Variants in PIP5K1A observed in about 807,000 individuals in gnomAD.
PIP5K1A encodes phosphatidylinositol 4-phosphate 5-kinase type-1 alpha.
Under a neutral mutation model 72.9 loss-of-function variants are expected in PIP5K1A, and 46 were observed. The ratio of observed to expected loss-of-function variants is 0.63; its 90% confidence interval spans 0.50 to 0.81. PIP5K1A has a LOEUF of 0.81. Ranked by LOEUF, PIP5K1A falls within the 30% of genes least tolerant of loss-of-function variation. PIP5K1A has a pLI of 0.00. For synonymous variants in PIP5K1A, 228 were observed against 255.1 expected (o/e 0.89, Z 1.01); for missense variants, 458 against 706.1 (o/e 0.65, Z 3.98).
rs1223956132 is a variant in PIP5K1A at position 151,248,884 on chromosome 1, C to G, written c.*1019C>G. 6.6e-6 allele frequency: 1 copy of G among 152,584 alleles called. No homozygotes were observed. The highest frequency in any genetic ancestry group is 1.5e-5 in the Non-Finnish European group (1 of 68,038). 9.5% of individuals were successfully genotyped at this position (152,584 alleles called of 1,614,324 possible). A position where few individuals can be genotyped will look rare whatever the true frequency, so the allele number is the denominator to read the frequency against. On this transcript the variant is annotated 3_prime_UTR_variant, in exon 16 of 16. Coordinates refer to ENST00000368888, the MANE Select transcript of PIP5K1A (RefSeq NM_001135638.2). ...GTGGAGCTAAGGTAAAGAGGGGACA[C>G]TTCTGTCTGTTTAACAGACAGTCCA...
In PIP5K1A at chr1:151,242,276, G is replaced by A. The variant is rs371763490; in HGVS notation, c.1510+7G>A. ...AAGGCAGAAGTGGAGCCAGGTCAGCGCTAGGGCTGGGGTCCCCATGTGATT... is the reference window on the plus strand; with the variant it reads ...AAGGCAGAAGTGGAGCCAGGTCAGCACTAGGGCTGGGGTCCCCATGTGATT... On this transcript the variant is annotated splice_region_variant and intron_variant, in intron 13 of 15. Transcript: ENST00000368888. 273 of 1,613,952 alleles carry A rather than the reference G, an allele frequency of 1.7e-4. 1 individual carries two copies. Among genetic ancestry groups the A allele is most frequent in the Non-Finnish European group, 2.2e-4 (258 of 1,179,992 alleles).
At chr1:151,244,288 A>G (rs1271245740) in intron 14 of PIP5K1A, among the ~76,000 whole-genome samples, 1 of 152,236 alleles carries the variant, frequency 6.6e-6, no homozygotes. Flanking sequence ...TCCCTGAACA[A>G]TATAGTATAA....
At position 151,215,327 on chromosome 1, in the gene PIP5K1A, C is replaced by T. The variant is rs587741094; in HGVS notation, c.86-8918C>T. ...TGTTGGGATTACAGGCGTGAGCCAC[C>T]GCACCCGGCCTTTTTTTTTTTTTGA... On this transcript the variant is annotated intron_variant, in intron 1 of 15. Coordinates refer to ENST00000368888, the MANE Select transcript of PIP5K1A (RefSeq NM_001135638.2). 6.0e-4 allele frequency among the ~76,000 whole-genome samples: 89 copies of T among 149,230 alleles called. 1 individual carries two copies. The highest frequency in any genetic ancestry group is 1.9e-3 in the African/African-American group (79 of 41,204).
At chr1:151,215,944 T>C in intron 1 of PIP5K1A, 1 of 1,298,166 alleles carries the variant, frequency 7.7e-7, no homozygotes, top group Non-Finnish European at 1.0e-6. Flanking sequence ...GGGGTAACTT[T>C]CTGTTTTTCC....
chr1:151,230,554 T>G (rs917366902), intron 4 of PIP5K1A, among the ~76,000 whole-genome samples: 1 of 151,896 alleles, frequency 6.6e-6, no homozygotes, highest in Non-Finnish European at 1.5e-5. Context: ...ACTGTTGCCC[T>G]TTTTTTTGAG....
chr1:151,208,079 C>G (rs899683622), intron 1 of PIP5K1A, among the ~76,000 whole-genome samples: 4 of 151,828 alleles, frequency 2.6e-5, no homozygotes, highest in African/African-American at 9.7e-5. Flanking sequence ...AGGCTGTTCT[C>G]GAACTCCTAA....
intron 8 of PIP5K1A, among the ~76,000 whole-genome samples, chr1:151,234,844 G>A (rs1451894633): frequency 6.6e-6 from 1 of 152,104 alleles, no homozygotes; most frequent in East Asian, 1.9e-4. Context: ...TTACACAACC[G>A]TGTATACTGG....
In PIP5K1A at chr1:151,246,952, C is replaced by A; in HGVS notation, c.1673C>A (p.Ser558Ter). ...TTGGAAAAGCTTGAAGTTGCAGAGT[C>A]AGAGTTCACCCATGTGAGTATCTGG... ...TTLEKLEVAE[S>*]EFTH The change falls in exon 15 of 16, where the codon TCA (serine) becomes TAA (stop). Residue 558 changes from serine to a stop codon, truncating the protein, a stop_gained. Coordinates refer to ENST00000368888, the MANE Select transcript of PIP5K1A (RefSeq NM_001135638.2). LOFTEE classifies it high-confidence loss of function. 1 of 1,613,304 alleles carries A rather than the reference C, an allele frequency of 6.2e-7. No homozygotes were observed. The highest frequency in any genetic ancestry group is 1.1e-5 in the South Asian group (1 of 91,042).
chr1:151,231,354 G>A lies in PIP5K1A; in HGVS notation c.238-317G>A, dbSNP rs147583821. Among the ~76,000 whole-genome samples the A allele has an allele frequency of 2.3e-3, 346 of 152,226 alleles. 1 individual carries two copies. The highest frequency in any genetic ancestry group is 8.0e-3 in the African/African-American group (332 of 41,538). Reference sequence around the variant, plus strand: ...ACTAAGAACGTTGTGTCAATACAATGTATCTTCCAAATACAAATATGGAAC... The same window carrying A: ...ACTAAGAACGTTGTGTCAATACAATATATCTTCCAAATACAAATATGGAAC... On this transcript the variant is annotated intron_variant, in intron 4 of 15. Transcript: ENST00000368888.
At chr1:151,240,087 C>A in intron 12 of PIP5K1A, 48 bp downstream of exon 12, 1 of 1,362,262 alleles carries the variant, frequency 7.3e-7, no homozygotes, top group South Asian at 1.2e-5. Flanking sequence ...CAGTGGCTCC[C>A]TTACCCCAAG....
chr1:151,216,728 A>G (rs1011539890), intron 1 of PIP5K1A, among the ~76,000 whole-genome samples: 1 of 152,066 alleles, frequency 6.6e-6, no homozygotes, highest in African/African-American at 2.4e-5. Context: ...ATAGGCATTT[A>G]TTGTAGATTA....
At chr1:151,213,666 C>G (rs1433262142) in intron 1 of PIP5K1A, 2 of 152,056 alleles carry the variant, frequency 1.3e-5, no homozygotes, top group African/African-American at 4.8e-5. Context: ...CTGGCATTTT[C>G]TTTTCATATT....
At chr1:151,201,024 C>T (rs942494828) in intron 1 of PIP5K1A, among the ~76,000 whole-genome samples, 8 of 152,026 alleles carry the variant, frequency 5.3e-5, no homozygotes, top group Non-Finnish European at 8.8e-5. Context: ...TTAGTAGAGA[C>T]GGGGTTTCAC....
intron 8 of PIP5K1A, among the ~76,000 whole-genome samples, chr1:151,235,474 G>A (rs1310601300): frequency 1.3e-5 from 2 of 152,148 alleles, no homozygotes; most frequent in Non-Finnish European, 2.9e-5. Flanking sequence ...TTTTACATTT[G>A]TATCCCTTTC....
chr1:151,221,638 G>A (rs939254710), intron 1 of PIP5K1A, among the ~76,000 whole-genome samples: 8 of 152,174 alleles, frequency 5.3e-5, no homozygotes, highest in Non-Finnish European at 1.2e-4. Flanking sequence ...AAAAGATAAT[G>A]ATATATATAA....
At chr1:151,210,883 G>A (rs1050805483) in intron 1 of PIP5K1A, among the ~76,000 whole-genome samples, 5 of 152,018 alleles carry the variant, frequency 3.3e-5, no homozygotes, top group Non-Finnish European at 7.4e-5. Context: ...CATTGTGCCC[G>A]GGCTTATTGA....
Position 151,249,479 on chromosome 1 carries a change from A to G in PIP5K1A, c.*1614A>G, listed in dbSNP as rs587720813. 1 of 152,282 alleles carries G rather than the reference A, an allele frequency of 6.6e-6. No homozygotes were observed. The highest frequency in any genetic ancestry group is 1.9e-4 in the East Asian group (1 of 5,192). 9.4% of individuals were successfully genotyped at this position (152,282 alleles called of 1,614,324 possible). A position where few individuals can be genotyped will look rare whatever the true frequency, so the allele number is the denominator to read the frequency against. On this transcript the variant is annotated 3_prime_UTR_variant, in exon 16 of 16. Transcript: ENST00000368888. ...GTATTGTTCAGAAATGGCAAATACA[A>G]TATAAAAGTGATATATGGTTTTAAT...
At chr1:151,209,415 C>T (rs1450239955) in intron 1 of PIP5K1A, among the ~76,000 whole-genome samples, 3 of 148,858 alleles carry the variant, frequency 2.0e-5, no homozygotes, top group Non-Finnish European at 4.4e-5. Flanking sequence ...GGATTACAGG[C>T]GCGTGCCACC....
intron 1 of PIP5K1A, among the ~76,000 whole-genome samples, chr1:151,209,987 G>A (rs748079399): frequency 4.0e-5 from 6 of 151,890 alleles, no homozygotes; most frequent in Non-Finnish European, 8.8e-5. Context: ...GGGTTCAAGA[G>A]ATTCTTGTGC....
Sources: gnomAD v4.1 joint callset for allele counts (sites outside exome capture counted in the v4.1 genomes callset) on GRCh38, gnomAD v4.1.1 for gene constraint, MANE v1.5 for transcripts, NCBI Gene and HGNC (gene_info 2026-07-23, HGNC 2026-07-21) for gene names.